Variants in CNTNAP2 observed in about 807,000 individuals in gnomAD.
The protein encoded by CNTNAP2 is contactin-associated protein-like 2.
CNTNAP2 carries 98 observed loss-of-function variants against 155.2 expected under a neutral mutation model. That is an observed-to-expected ratio of 0.63 (90% confidence interval 0.54 to 0.75). The LOEUF is 0.75. CNTNAP2 is among the 30% of genes least tolerant of loss of function. The probability of loss-of-function intolerance (pLI) is 0.00; values close to 1 mark genes in which losing one functional copy is unlikely to be tolerated. For missense variants in CNTNAP2, 1,727 were observed against 1,688.1 expected (o/e 1.02, Z -0.40); for synonymous variants, 651 against 631.2 (o/e 1.03, Z -0.47).
intron 19 of CNTNAP2, among the ~76,000 whole-genome samples, chr7:148,224,854 G>A (rs879882476): frequency 9.9e-5 from 15 of 152,108 alleles, no homozygotes; most frequent in Non-Finnish European, 1.8e-4. Context: ...GAGCAAAGGA[G>A]GGAAAGGCCC....
rs111411298 is a variant in CNTNAP2, at chr7:146,878,447, GTT to G, written c.402+38553_402+38554del. 3.5e-3 allele frequency among the ~76,000 whole-genome samples: 501 copies of G among 144,894 alleles called. 3 individuals carry two copies. The highest frequency in any genetic ancestry group is 0.012 in the African/African-American group (483 of 39,774). ...TTCCCTTTCCCACAAGTACTCTTGA[GTT>G]TTTTTTTTTAATAAGATTATACCAG... On this transcript the variant is annotated intron_variant, in intron 3 of 23. Transcript: ENST00000361727.
At chr7:146,487,356 C>T (rs1335122827) in intron 1 of CNTNAP2, among the ~76,000 whole-genome samples, 1 of 152,034 alleles carries the variant, frequency 6.6e-6, no homozygotes, top group Admixed American at 6.6e-5. Context: ...CTGAAGGTAC[C>T]CAAGAAATAA....
At position 146,461,083 on chromosome 7, in the gene CNTNAP2, A is replaced by C. The variant is rs140913670; in HGVS notation, c.98-313188A>C. On this transcript the variant is annotated intron_variant, in intron 1 of 23. Transcript: ENST00000361727. ...CAAAACATCACCACTGTACACCATA[A>C]AAATATGTAATATTTATTTGTTAAT... Among the ~76,000 whole-genome samples the C allele has an allele frequency of 1.8e-3, 281 of 152,252 alleles. 1 individual carries two copies. Among genetic ancestry groups the C allele is most frequent in the African/African-American group, 6.0e-3 (248 of 41,550 alleles).
rs577334786 is a variant in CNTNAP2, at chr7:148,194,546, T to C, written c.3010+22068T>C. On this transcript the variant is annotated intron_variant, in intron 18 of 23. Transcript: ENST00000361727. ...GGAATTTATTATTGGAAGTGACTTA[T>C]GCAATTATGGAGGCCAAGACAGTCT... Among the ~76,000 whole-genome samples, 667 of 152,250 alleles carry C rather than the reference T, an allele frequency of 4.4e-3. 4 individuals are homozygous for C. Among genetic ancestry groups the C allele is most frequent in the Non-Finnish European group, 6.1e-3 (415 of 68,016 alleles).
At chr7:148,306,018 G>A (rs2373341) in intron 21 of CNTNAP2, among the ~76,000 whole-genome samples, 91,782 of 151,968 alleles carry the variant, frequency 0.6, 29,557 homozygotes, top group East Asian at 0.75. Context: ...AAGAATGAAC[G>A]GGAATCACAT....
intron 21 of CNTNAP2, among the ~76,000 whole-genome samples, chr7:148,313,414 C>A (rs1442824690): frequency 1.3e-5 from 2 of 151,874 alleles, no homozygotes; most frequent in East Asian, 3.9e-4. Context: ...GTTGAACAGT[C>A]CGATTTTCAG....
At chr7:146,394,440 G>A (rs1434062574) in intron 1 of CNTNAP2, among the ~76,000 whole-genome samples, 2 of 152,112 alleles carry the variant, frequency 1.3e-5, no homozygotes, top group Non-Finnish European at 1.5e-5. Context: ...CACAAGACTA[G>A]TTTCCACATT....
chr7:146,670,017 C>T (rs977294685), intron 1 of CNTNAP2, among the ~76,000 whole-genome samples: 4 of 152,072 alleles, frequency 2.6e-5, no homozygotes, highest in Non-Finnish European at 4.4e-5. Context: ...AGAATTCAAT[C>T]TATAATAGGC....
At chr7:148,272,233 T>C (rs187661372) in intron 21 of CNTNAP2, among the ~76,000 whole-genome samples, 117 of 152,322 alleles carry the variant, frequency 7.7e-4, no homozygotes, top group African/African-American at 2.8e-3. Flanking sequence ...TCAGAATCAC[T>C]AGCAATCAGC....
At chr7:147,285,281 CCT>C (rs1805151866) in intron 8 of CNTNAP2, among the ~76,000 whole-genome samples, 2 of 151,878 alleles carry the variant, frequency 1.3e-5, no homozygotes, top group East Asian at 3.9e-4. Context: ...GACTGGATAA[CCT>C]CTCTAACTTA....
intron 3 of CNTNAP2, among the ~76,000 whole-genome samples, chr7:146,877,719 T>C (rs1053486609): frequency 1.6e-4 from 25 of 151,940 alleles, no homozygotes; most frequent in African/African-American, 6.0e-4. Flanking sequence ...TCTATGGCTT[T>C]CAGTGCTATT....
chr7:146,947,211 A>AG (rs2129226954), intron 3 of CNTNAP2, among the ~76,000 whole-genome samples: 1 of 151,546 alleles, frequency 6.6e-6, no homozygotes, highest in South Asian at 2.1e-4. Flanking sequence ...ATATGAAGTT[A>AG]GAAAAAAAAA....
intron 1 of CNTNAP2, among the ~76,000 whole-genome samples, chr7:146,379,865 A>G (rs939562552): frequency 6.6e-6 from 1 of 152,220 alleles, no homozygotes; most frequent in African/African-American, 2.4e-5. Context: ...AGAAAAAAAA[A>G]GACACTTCCA....
intron 13 of CNTNAP2, among the ~76,000 whole-genome samples, chr7:147,868,397 G>A (rs908054769): frequency 5.3e-5 from 8 of 152,172 alleles, no homozygotes; most frequent in South Asian, 2.1e-4. Flanking sequence ...ATACTGGGAG[G>A]TGTCTCCCAG....
intron 1 of CNTNAP2, among the ~76,000 whole-genome samples, chr7:146,443,230 T>TAAATAATAAATAAATA (rs1554434107): frequency 2.7e-5 from 4 of 147,804 alleles, no homozygotes; most frequent in African/African-American, 1.0e-4. Flanking sequence ...AATAAATAAA[T>TAAATAATAAATAAATA]AATAAATAAA....
chr7:148,145,014 A>G (rs1165331221), intron 16 of CNTNAP2, among the ~76,000 whole-genome samples: 1 of 152,162 alleles, frequency 6.6e-6, no homozygotes, highest in Non-Finnish European at 1.5e-5. Context: ...TTCCCGCAGC[A>G]ATGTCAGGGA....
chr7:147,824,789 A>C (rs1418771893), intron 13 of CNTNAP2, among the ~76,000 whole-genome samples: 1 of 152,110 alleles, frequency 6.6e-6, no homozygotes, highest in Non-Finnish European at 1.5e-5. Flanking sequence ...AAGAGAAGTG[A>C]ATGGTGGTCA....
intron 14 of CNTNAP2, among the ~76,000 whole-genome samples, chr7:147,939,088 G>A (rs1800667884): frequency 6.6e-6 from 1 of 152,128 alleles, no homozygotes; most frequent in African/African-American, 2.4e-5. Context: ...TTGGCTAGAT[G>A]TATGTACGAT....
At position 148,366,084 on chromosome 7, in the gene CNTNAP2, ATGTATACATGTATG is replaced by A. The variant is rs1798761049; in HGVS notation, c.3476-17559_3476-17546del. Among the ~76,000 whole-genome samples the A allele has an allele frequency of 1.3e-4, 2 of 15,518 alleles. 1 individual carries two copies. Among genetic ancestry groups the A allele is most frequent in the African/African-American group, 2.2e-4 (2 of 8,936 alleles). 10.2% of individuals were successfully genotyped at this position (15,518 alleles called of 152,430 possible). On this transcript the variant is annotated intron_variant, in intron 21 of 23. Coordinates refer to ENST00000361727, the MANE Select transcript of CNTNAP2 (RefSeq NM_014141.6). ...TGCATGTATGCATGTATGTGTGTGC[ATGTATACATGTATG>A]TGTATGCATGTATGCATGTATGTGT...
Sources: gnomAD v4.1 joint callset for allele counts (sites outside exome capture counted in the v4.1 genomes callset) on GRCh38, gnomAD v4.1.1 for gene constraint, MANE v1.5 for transcripts, NCBI Gene and HGNC (gene_info 2026-07-23, HGNC 2026-07-21) for gene names.